Variants in RBPMS observed in about 807,000 individuals in gnomAD.
The protein encoded by RBPMS is RNA binding protein, mRNA processing factor, also known as RNA-binding protein with multiple splicing.
Under a neutral mutation model 26.8 loss-of-function variants are expected in RBPMS, and 7 were observed. That is an observed-to-expected ratio of 0.26 (90% CI 0.15 to 0.49). The LOEUF (loss-of-function observed/expected upper bound fraction) is 0.49, where lower values mean the gene tolerates loss of function less well. Among genes scored for constraint, RBPMS ranks in the 20% least tolerant of loss-of-function variants. The pLI, the probability that RBPMS is intolerant of heterozygous loss-of-function variation, is 0.98. For missense variants in RBPMS, 186 were observed against 250.0 expected (o/e 0.74, Z 1.73); for synonymous variants, 96 against 93.3 (o/e 1.03, Z -0.17).
chr8:30,538,824 C>G (rs1585810210), intron 5 of RBPMS, among the ~76,000 whole-genome samples: 1 of 152,178 alleles, frequency 6.6e-6, no homozygotes, highest in South Asian at 2.1e-4. Context: ...CTAAATCAAT[C>G]TGCAAAGACC....
intron 1 of RBPMS, among the ~76,000 whole-genome samples, chr8:30,416,989 T>C (rs1810160782): frequency 6.6e-6 from 1 of 152,158 alleles, no homozygotes; most frequent in Admixed American, 6.5e-5. Flanking sequence ...AGGTGGGTTT[T>C]GAACTCCTGA....
At position 30,385,091 on chromosome 8, in the gene RBPMS, A is replaced by G. The variant is rs1206416626; in HGVS notation, c.-2A>G. ...CCGGCCCGGCGAGGAAGGACCGGGA[A>G]GATGAACAACGGCGGCAAAGCCGAG... is the stretch of plus-strand genomic sequence containing the variant. On this transcript the variant is annotated 5_prime_UTR_variant, in exon 1 of 9. Coordinates refer to ENST00000397323, the MANE Select transcript of RBPMS (RefSeq NM_001008710.3). 10 of 1,519,698 alleles carry G rather than the reference A, an allele frequency of 6.6e-6. No homozygotes were observed. Among genetic ancestry groups the G allele is most frequent in the Non-Finnish European group, 6.2e-6 (7 of 1,134,418 alleles). The allele number at this position is 1,519,698 out of a possible 1,614,324, so 94.1% of individuals were successfully genotyped here. A position where few individuals can be genotyped will look rare whatever the true frequency, so the allele number is the denominator to read the frequency against.
At chr8:30,526,011 A>T (rs899380543) in intron 5 of RBPMS, among the ~76,000 whole-genome samples, 1 of 152,248 alleles carries the variant, frequency 6.6e-6, no homozygotes, top group Non-Finnish European at 1.5e-5. Flanking sequence ...ATGGTAACAG[A>T]TGTCCTTTTG....
chr8:30,408,488 C>T (rs1340388992), intron 1 of RBPMS, among the ~76,000 whole-genome samples: 1 of 152,108 alleles, frequency 6.6e-6, no homozygotes, highest in East Asian at 1.9e-4. Flanking sequence ...AAAATCATAC[C>T]ACTACATTCC....
At chr8:30,509,931 T>C (rs116281366) in intron 5 of RBPMS, among the ~76,000 whole-genome samples, 1,723 of 152,292 alleles carry the variant, frequency 0.011, 39 homozygotes, top group African/African-American at 0.038. Context: ...ACAATCACCA[T>C]TAACAATTTG....
chr8:30,566,674 A>G (rs184462079), intron 8 of RBPMS, among the ~76,000 whole-genome samples: 28 of 152,354 alleles, frequency 1.8e-4, no homozygotes, highest in African/African-American at 4.6e-4. Context: ...ACCTAGGGAA[A>G]TGTTACTGAA....
chr8:30,548,261 C>T (rs1717614126), intron 6 of RBPMS, among the ~76,000 whole-genome samples: 1 of 152,206 alleles, frequency 6.6e-6, no homozygotes, highest in Non-Finnish European at 1.5e-5. Context: ...CTCACATTCA[C>T]ACACTTCCGC....
At chr8:30,468,381 C>G (rs1816742376) in intron 1 of RBPMS, among the ~76,000 whole-genome samples, 1 of 151,940 alleles carries the variant, frequency 6.6e-6, no homozygotes. Flanking sequence ...ACATTTTTCT[C>G]CTTGATTCAG....
chr8:30,537,657 C>T (rs1365870334), intron 5 of RBPMS: 2 of 456,076 alleles, frequency 4.4e-6, no homozygotes, highest in African/African-American at 4.0e-5. Context: ...GATTGATTCA[C>T]ATCCTGGCTC....
In RBPMS at chr8:30,544,624, G is replaced by C. The variant is rs1825712577; in HGVS notation, c.528G>C (p.Gln176His). Residue 176 changes from glutamine (Q) to histidine (H), a missense_variant and splice_region_variant, in exon 6 of 9, where the codon CAG (glutamine) becomes CAC (histidine). Coordinates refer to ENST00000397323, the MANE Select transcript of RBPMS (RefSeq NM_001008710.3). Reference protein sequence around the residue: ...AFTYPASLHAQMRWLPPSEAT... With the variant: ...AFTYPASLHAHMRWLPPSEAT... ...CCTATCCCGCTTCACTGCATGCCCA[G>C]GTAATTGATACCCATCGGCCAGGAC... The C allele has an allele frequency of 6.2e-7, 1 of 1,613,788 alleles. No homozygotes were observed. Among genetic ancestry groups the C allele is most frequent in the Non-Finnish European group, 8.5e-7 (1 of 1,180,030 alleles).
At chr8:30,559,106 A>G in intron 7 of RBPMS, 150 bp downstream of exon 7, 1 of 659,552 alleles carries the variant, frequency 1.5e-6, no homozygotes, top group Non-Finnish European at 2.6e-6. Context: ...CTTGAACTAC[A>G]TAGCAGTGCA....
chr8:30,487,221 T>C lies in RBPMS; in HGVS notation c.246+7844T>C, dbSNP rs1279521622. 2.0e-5 allele frequency among the ~76,000 whole-genome samples: 3 copies of C among 149,232 alleles called. No homozygotes were observed. The South Asian group carries it at 6.4e-4, about 32-fold the overall frequency. The stretch of plus-strand genomic sequence containing the variant: ...GGGCAGCACATTTTGGCAGCTTAAA[T>C]CACTGTCTTCTTTGTTCTCTTTTAC... On this transcript the variant is annotated intron_variant, in intron 4 of 8. Coordinates refer to ENST00000397323, the MANE Select transcript of RBPMS (RefSeq NM_001008710.3).
intron 5 of RBPMS, among the ~76,000 whole-genome samples, chr8:30,515,163 G>C (rs1030344207): frequency 6.6e-6 from 1 of 151,876 alleles, no homozygotes; most frequent in Non-Finnish European, 1.5e-5. Flanking sequence ...GTACAGATGG[G>C]GTCTTGCTTT....
chr8:30,499,888 G>A (rs1487518781), intron 4 of RBPMS, among the ~76,000 whole-genome samples: 1 of 90,174 alleles, frequency 1.1e-5, no homozygotes, highest in Non-Finnish European at 2.7e-5. Context: ...GTGTGTGTGT[G>A]TGTGTGTGTG....
At position 30,535,848 on chromosome 8, in the gene RBPMS, G is replaced by A. The variant is rs556450357; in HGVS notation, c.398-8646G>A. On this transcript the variant is annotated intron_variant, in intron 5 of 8. Transcript: ENST00000397323. ...TCCTTAAAAATGTTCATTTCTGAAA[G>A]CTTGGCAAGGTTATCTGGAAGGCTG... is the stretch of plus-strand genomic sequence containing the variant. Among the ~76,000 whole-genome samples the A allele has an allele frequency of 1.2e-3, 185 of 152,300 alleles. 1 individual carries two copies. The highest frequency in any genetic ancestry group is 6.8e-3 in the Middle Eastern group (2 of 294).
At chr8:30,570,594 G>A (rs922723134) in intron 8 of RBPMS, 43 bp from the exon 9 acceptor site, 2 of 152,652 alleles carry the variant, frequency 1.3e-5, no homozygotes, top group Non-Finnish European at 2.9e-5. Flanking sequence ...AACTAGGGAG[G>A]GGTTGACACC....
intron 1 of RBPMS, among the ~76,000 whole-genome samples, chr8:30,426,864 A>G (rs1220380298): frequency 6.6e-6 from 1 of 151,844 alleles, no homozygotes; most frequent in Non-Finnish European, 1.5e-5. Flanking sequence ...AGACATACAC[A>G]CAATGTTTTG....
At chr8:30,494,458 T>C (rs984462990) in intron 4 of RBPMS, among the ~76,000 whole-genome samples, 6 of 142,020 alleles carry the variant, frequency 4.2e-5, no homozygotes, top group Admixed American at 7.7e-5. Flanking sequence ...TCATTTAATC[T>C]TTACAATGAA....
At chr8:30,447,671 A>G (rs996592758) in intron 1 of RBPMS, among the ~76,000 whole-genome samples, 6 of 152,220 alleles carry the variant, frequency 3.9e-5, no homozygotes, top group Non-Finnish European at 1.5e-5. Flanking sequence ...AATGAATTCC[A>G]TAACAAAGGG....
Sources: allele counts gnomAD v4.1 joint callset (sites outside exome capture counted in the v4.1 genomes callset), GRCh38; gene constraint gnomAD v4.1.1; transcripts MANE v1.5; gene names NCBI Gene and HGNC (gene_info 2026-07-23, HGNC 2026-07-21).